SDK2: variants seen among roughly 807,000 people sequenced by gnomAD.
SDK2 encodes the protein sidekick cell adhesion molecule 2.
SDK2 carries 105 observed loss-of-function variants against 253.9 expected under a neutral mutation model. The observed-to-expected ratio is 0.41, with a 90% confidence interval of 0.35 to 0.49. The LOEUF (loss-of-function observed/expected upper bound fraction) is 0.49. SDK2 is among the 20% of genes least tolerant of loss of function. The probability of loss-of-function intolerance (pLI) is 0.06; values close to 1 mark genes in which losing one functional copy is unlikely to be tolerated. For synonymous variants in SDK2, 1,249 were observed against 1,234.9 expected (o/e 1.01, Z -0.24); for missense variants, 2,608 against 3,003.0 (o/e 0.87, Z 3.07).
At position 73,447,611 on chromosome 17, in the gene SDK2, T is replaced by G. The variant is rs1431632354; in HGVS notation, c.613+4A>C. 1 of 1,551,908 alleles carries G rather than the reference T, an allele frequency of 6.4e-7. No homozygotes were observed. The highest frequency in any genetic ancestry group is 8.7e-7 in the Non-Finnish European group (1 of 1,147,026). ...AGATCGGTCCCGGCCCTGTGCGTAC[T>G]TACTCTCCACGGTGAGCGTGATGGG... On this transcript the variant is annotated splice_donor_region_variant and intron_variant, in intron 5 of 44. Transcript: ENST00000392650. The surrounding 1 kb of genome is among the most constrained non-coding windows in gnomAD (Gnocchi z 4.0).
In SDK2 at chr17:73,441,772, A is replaced by G. The variant is rs924335041; in HGVS notation, c.614-849T>C. On this transcript the variant is annotated intron_variant, in intron 5 of 44. Transcript: ENST00000392650. ...CTGGTAGTACTTTGTTGTGCAGGCC[A>G]TAAGAGACTAAAATTCTCCCTGACC... 9.8e-5 allele frequency among the ~76,000 whole-genome samples: 15 copies of G among 152,316 alleles called. 1 individual carries two copies. Among genetic ancestry groups the G allele is most frequent in the East Asian group, 5.8e-4 (3 of 5,182 alleles).
chr17:73,621,662 A>C (rs1357325601), intron 1 of SDK2, among the ~76,000 whole-genome samples: 1 of 151,972 alleles, frequency 6.6e-6, no homozygotes, highest in African/African-American at 2.4e-5. Flanking sequence ...AAAATAAAAT[A>C]TATCAGATTT....
intron 1 of SDK2, among the ~76,000 whole-genome samples, chr17:73,637,808 A>G (rs1415431625): frequency 6.6e-6 from 1 of 152,114 alleles, no homozygotes; most frequent in African/African-American, 2.4e-5. Context: ...CCTCCTCTCA[A>G]TTTCCTTCAC....
Position 73,338,241 on chromosome 17 carries a change from G to T in SDK2, c.*346C>A, listed in dbSNP as rs954547244. ...CTTCCCTCGGCCACGCCTGCCTGGC[G>T]GCCTCCAGTCCTTAGCCTCCGCTCC... On this transcript the variant is annotated 3_prime_UTR_variant, in exon 45 of 45. Transcript: ENST00000392650. This position sits in a 1 kb window ranked among gnomAD's most constrained non-coding sequence, Gnocchi z 5.0. 3 of 423,008 alleles carry T rather than the reference G, an allele frequency of 7.1e-6. No homozygotes were observed. The highest frequency in any genetic ancestry group is 3.4e-5 in the Admixed American group (1 of 29,550). 26.2% of individuals were successfully genotyped at this position (423,008 alleles called of 1,614,324 possible).
chr17:73,625,412 G>C (rs910675234), intron 1 of SDK2, among the ~76,000 whole-genome samples: 1 of 152,144 alleles, frequency 6.6e-6, no homozygotes, highest in African/African-American at 2.4e-5. Context: ...AGGAGAACAG[G>C]GTCCTAGGTG....
chr17:73,637,666 C>T (rs758953023), intron 1 of SDK2, among the ~76,000 whole-genome samples: 18 of 152,350 alleles, frequency 1.2e-4, no homozygotes, highest in South Asian at 2.1e-4. Context: ...TGAGCCACCG[C>T]GCCTGGAGGG....
chr17:73,346,301 A>G (rs1568359311), intron 44 of SDK2, among the ~76,000 whole-genome samples: 1 of 152,076 alleles, frequency 6.6e-6, no homozygotes, highest in Non-Finnish European at 1.5e-5. Context: ...GCACTTGAAG[A>G]GGCTGTCCAT....
At chr17:73,610,495 T>C (rs921650404) in intron 1 of SDK2, among the ~76,000 whole-genome samples, 1 of 152,154 alleles carries the variant, frequency 6.6e-6, no homozygotes, top group Non-Finnish European at 1.5e-5. Context: ...TGCATGACGC[T>C]TGGTATCTGG....
At chr17:73,412,154 GTA>G (rs1568389668) in intron 18 of SDK2, among the ~76,000 whole-genome samples, 16 of 3,328 alleles carry the variant, frequency 4.8e-3, no homozygotes, top group Non-Finnish European at 0.036. Flanking sequence ...GTATATATAC[GTA>G]TATATGTATA....
intron 1 of SDK2, among the ~76,000 whole-genome samples, chr17:73,579,315 C>T (rs1483752616): frequency 1.3e-5 from 2 of 152,132 alleles, no homozygotes; most frequent in African/African-American, 4.8e-5. Context: ...TTATCAGGGC[C>T]CGAGGGGTCA....
At chr17:73,516,449 C>T (rs889948536) in intron 1 of SDK2, among the ~76,000 whole-genome samples, 1 of 152,216 alleles carries the variant, frequency 6.6e-6, no homozygotes, top group Non-Finnish European at 1.5e-5. Context: ...TGGCGAGTCC[C>T]TTCCCTCTCC....
rs956138459 is a variant in SDK2 at position 73,379,053 on chromosome 17, G to A, written c.4980+124C>T. 4.4e-5 allele frequency: 31 copies of A among 701,592 alleles called. No individual in the cohort carries two copies. In the Admixed American group the frequency reaches 5.5e-4, roughly 13 times the overall value. The allele number at this position is 701,592 out of a possible 1,614,324, so 43.5% of individuals were successfully genotyped here. On this transcript the variant is annotated intron_variant, in intron 36 of 44. Coordinates refer to ENST00000392650, the MANE Select transcript of SDK2 (RefSeq NM_001144952.2). The surrounding 1 kb of genome is among the most constrained non-coding windows in gnomAD (Gnocchi z 4.5). ...GGTGTACCACAGAGCCTGAAGGGCCGAGGAGCTGGCTGGATGAATGGAGGG... is the reference window on the plus strand; with the variant it reads ...GGTGTACCACAGAGCCTGAAGGGCCAAGGAGCTGGCTGGATGAATGGAGGG...
chr17:73,380,843 T>C, intron 34 of SDK2, 51 bp downstream of exon 34: 14 of 1,486,290 alleles, frequency 9.4e-6, no homozygotes, highest in Non-Finnish European at 1.2e-5. Flanking sequence ...CCACTCCCAA[T>C]CCCCTGCGAG....
intron 44 of SDK2, among the ~76,000 whole-genome samples, chr17:73,342,422 G>C (rs1181245436): frequency 6.6e-6 from 1 of 152,198 alleles, no homozygotes; most frequent in African/African-American, 2.4e-5. Flanking sequence ...GCCGAGCGGG[G>C]GCACCTGATG....
chr17:73,402,841 A>C (rs536634560), intron 18 of SDK2, among the ~76,000 whole-genome samples: 1 of 152,194 alleles, frequency 6.6e-6, no homozygotes, highest in East Asian at 1.9e-4. Flanking sequence ...TTTGTCGCCC[A>C]GGCTGCAGTA....
rs937941263 is a variant in SDK2, at chr17:73,507,511, C to T, written c.151G>A (p.Glu51Lys). ...TTGAACTCCAGTGGCCAGCTGCCCT[C>T]GGCCATGCATGTAAGCACCAGGCGG... is the stretch of plus-strand genomic sequence containing the variant. Reference protein sequence around the residue: ...GNRLVLTCMAEGSWPLEFKWL... With the variant: ...GNRLVLTCMAKGSWPLEFKWL... Residue 51 changes from glutamate to lysine, a missense_variant, in exon 2 of 45, where the codon GAG becomes AAG. Coordinates refer to ENST00000392650, the MANE Select transcript of SDK2 (RefSeq NM_001144952.2). 4 of 1,551,556 alleles carry T rather than the reference C, an allele frequency of 2.6e-6. No homozygotes were observed. Among genetic ancestry groups the T allele is most frequent in the African/African-American group, 1.4e-5 (1 of 73,034 alleles).
chr17:73,353,761 T>C (rs1385475757), intron 40 of SDK2, among the ~76,000 whole-genome samples: 1 of 138,572 alleles, frequency 7.2e-6, no homozygotes, highest in African/African-American at 2.7e-5. Flanking sequence ...TGGAGTGCAG[T>C]GGTGCCATCT....
intron 24 of SDK2, among the ~76,000 whole-genome samples, chr17:73,397,766 G>C (rs2062983805): frequency 6.6e-6 from 1 of 152,210 alleles, no homozygotes; most frequent in Admixed American, 6.5e-5. Flanking sequence ...TGTATCCTTT[G>C]TAAGATTATT....
intron 1 of SDK2, among the ~76,000 whole-genome samples, chr17:73,532,053 G>C (rs1361499749): frequency 6.6e-6 from 1 of 152,142 alleles, no homozygotes; most frequent in East Asian, 1.9e-4. Context: ...TCAAGGGGGG[G>C]TCATTCTGTA....
Sources: allele counts gnomAD v4.1 joint callset (sites outside exome capture counted in the v4.1 genomes callset), GRCh38; gene constraint gnomAD v4.1.1; non-coding constraint Gnocchi (gnomAD v3.1); transcripts MANE v1.5; gene names NCBI Gene and HGNC (gene_info 2026-07-23, HGNC 2026-07-21).